Variants in PCDHGB1 observed in about 807,000 individuals in gnomAD.
PCDHGB1 encodes protocadherin gamma subfamily B, 1.
A neutral mutation model predicts 56.6 loss-of-function variants in PCDHGB1; 34 were observed. The ratio of observed to expected loss-of-function variants is 0.60; its 90% CI spans 0.46 to 0.80. The LOEUF is 0.80. Ranked by LOEUF, PCDHGB1 falls within the 30% of genes least tolerant of loss-of-function variation. PCDHGB1 has a pLI of 0.00. For missense variants in PCDHGB1, 1,278 were observed against 1,204.6 expected (o/e 1.06, Z -0.90); for synonymous variants, 561 against 505.9 (o/e 1.11, Z -1.46).
At chr5:141,389,288 T>C (rs1434265418) in intron 1 of PCDHGB1, 1 of 1,613,906 alleles carries the variant, frequency 6.2e-7, no homozygotes, top group Admixed American at 1.7e-5. Flanking sequence ...CTGGAGCCTC[T>C]ATTTCACAAG....
intron 1 of PCDHGB1, chr5:141,376,537 G>A (rs753618601): frequency 1.2e-6 from 2 of 1,613,388 alleles, no homozygotes; most frequent in African/African-American, 1.3e-5. Context: ...AGCGGGAAGA[G>A]TAATCTGATC....
intron 1 of PCDHGB1, among the ~76,000 whole-genome samples, chr5:141,453,121 G>A (rs62379169): frequency 4.7e-4 from 71 of 151,818 alleles, no homozygotes; most frequent in Non-Finnish European, 8.4e-4. Flanking sequence ...GTTTTGTTTT[G>A]TTTTGTTTTT....
rs142590218 is a variant in PCDHGB1, at chr5:141,489,982, C to T, written c.2410-4825C>T. On this transcript the variant is annotated intron_variant, in intron 1 of 3. Coordinates refer to ENST00000523390, the MANE Select transcript of PCDHGB1 (RefSeq NM_018922.3). This position sits in a 1 kb window ranked among gnomAD's most constrained non-coding sequence, Gnocchi z 4.5. ...TCCAACCTTCCAATCCTCAGTTCTA[C>T]GTGTGGGAATCCCAGAGAATGCACC... The T allele has an allele frequency of 2.9e-5, 47 of 1,614,010 alleles. No individual in the cohort carries two copies. The highest frequency in any genetic ancestry group is 3.7e-5 in the Non-Finnish European group (44 of 1,179,964).
In PCDHGB1 at chr5:141,459,352, C is replaced by T. The variant is rs111826527; in HGVS notation, c.2410-35455C>T. On this transcript the variant is annotated intron_variant, in intron 1 of 3. Coordinates refer to ENST00000523390, the MANE Select transcript of PCDHGB1 (RefSeq NM_018922.3). Reference sequence around the variant, plus strand: ...TACTCCAAAGTTCTTGAAATTCATTCATGTTCCTGTGTGTATCAGCAGCGT... The same window carrying T: ...TACTCCAAAGTTCTTGAAATTCATTTATGTTCCTGTGTGTATCAGCAGCGT... 1.4e-4 allele frequency among the ~76,000 whole-genome samples: 21 copies of T among 152,304 alleles called. No homozygotes were observed. The East Asian group carries it at 3.7e-3, about 27-fold the overall frequency.
At chr5:141,415,165 C>T (rs1410806560) in intron 1 of PCDHGB1, 10 of 1,613,746 alleles carry the variant, frequency 6.2e-6, no homozygotes, top group Non-Finnish European at 8.5e-6. Context: ...CACTGTCACG[C>T]TCACCGTGGC....
chr5:141,477,845 G>A lies in PCDHGB1; in HGVS notation c.2410-16962G>A, dbSNP rs1164464559. On this transcript the variant is annotated intron_variant, in intron 1 of 3. Transcript: ENST00000523390. This position sits in a 1 kb window ranked among gnomAD's most constrained non-coding sequence, Gnocchi z 4.9. ...ATATCCTCGGCCAGGTGGGAGCTCGGTGGAGATGCTGCCTCGAGGTACCTC... is the reference window on the plus strand; with the variant it reads ...ATATCCTCGGCCAGGTGGGAGCTCGATGGAGATGCTGCCTCGAGGTACCTC... 11 of 1,614,040 alleles carry A rather than the reference G, an allele frequency of 6.8e-6. No individual in the cohort carries two copies. The highest frequency in any genetic ancestry group is 9.3e-6 in the Non-Finnish European group (11 of 1,180,036).
chr5:141,431,288 C>T lies in PCDHGB1; in HGVS notation c.2410-63519C>T, dbSNP rs2097358193. ...GAGCTACGAGCTCAGCCCGAACACT[C>T]ACTTCTCCCTCATCGTGCAAAATGG... On this transcript the variant is annotated intron_variant, in intron 1 of 3. Transcript: ENST00000523390. This position sits in a 1 kb window ranked among gnomAD's most constrained non-coding sequence, Gnocchi z 4.8. 1 of 1,614,152 alleles carries T rather than the reference C, an allele frequency of 6.2e-7. No individual in the cohort carries two copies. Among genetic ancestry groups the T allele is most frequent in the East Asian group, 2.2e-5 (1 of 44,890 alleles).
At position 141,512,903 on chromosome 5, in the gene PCDHGB1, CAA is replaced by C. The variant is rs2099884494; in HGVS notation, c.*1731_*1732del. The C allele has an allele frequency of 6.6e-6, 1 of 152,224 alleles. No individual in the cohort carries two copies. Among genetic ancestry groups the C allele is most frequent in the African/African-American group, 2.4e-5 (1 of 41,452 alleles). 9.4% of individuals were successfully genotyped at this position (152,224 alleles called of 1,614,324 possible). On this transcript the variant is annotated 3_prime_UTR_variant, in exon 4 of 4. Transcript: ENST00000523390. ...CCCCACCCTCTTCCTGTGTCTCACG[CAA>C]GTTTTATACTCTAATATTTATATGG...
At position 141,388,041 on chromosome 5, in the gene PCDHGB1, G is replaced by C. The variant is rs2091214564; in HGVS notation, c.2409+35372G>C. The C allele has an allele frequency of 2.1e-6, 3 of 1,416,086 alleles. No homozygotes were observed. The African/African-American group carries it at 4.3e-5, about 20-fold the overall frequency. The allele number at this position is 1,416,086 out of a possible 1,614,324, so 87.7% of individuals were successfully genotyped here. ...CTCCGTAGTGGGGAACCTCGCCACG[G>C]ACCTGGGGTTCAGCGTCCAGGAGTT... On this transcript the variant is annotated intron_variant, in intron 1 of 3. Transcript: ENST00000523390.
intron 1 of PCDHGB1, among the ~76,000 whole-genome samples, chr5:141,453,217 G>A (rs770914741): frequency 1.2e-4 from 19 of 152,100 alleles, no homozygotes; most frequent in Admixed American, 1.0e-3. Context: ...GCACTTAAGC[G>A]ATCCTCCCAC....
intron 1 of PCDHGB1, among the ~76,000 whole-genome samples, chr5:141,400,876 T>G (rs1304937244): frequency 6.6e-6 from 1 of 152,230 alleles, no homozygotes; most frequent in East Asian, 1.9e-4. Flanking sequence ...ACCATTAAAT[T>G]TAATGTATGT....
chr5:141,374,126 C>T, intron 1 of PCDHGB1: 1 of 1,602,982 alleles, frequency 6.2e-7, no homozygotes, highest in Middle Eastern at 1.7e-4. Flanking sequence ...CGAGCAGGTC[C>T]TGCTCCTCAC....
intron 1 of PCDHGB1, among the ~76,000 whole-genome samples, chr5:141,467,882 C>T (rs1278937609): frequency 6.6e-6 from 1 of 152,036 alleles, no homozygotes; most frequent in East Asian, 1.9e-4. Context: ...TGGTCTCAAA[C>T]TCCTGAGCTC....
intron 1 of PCDHGB1, chr5:141,391,383 G>T (rs1344096934): frequency 3.3e-5 from 5 of 150,356 alleles, no homozygotes; most frequent in African/African-American, 9.8e-5. Context: ...CACAATGATA[G>T]CTCCCTCCAG....
At chr5:141,505,993 T>TGCGA (rs2099849805) in intron 3 of PCDHGB1, among the ~76,000 whole-genome samples, 1 of 152,188 alleles carries the variant, frequency 6.6e-6, no homozygotes, top group African/African-American at 2.4e-5. Context: ...CTCCTCTTTA[T>TGCGA]GCGAGGCTCC....
At chr5:141,480,046 A>G (rs919527311) in intron 1 of PCDHGB1, among the ~76,000 whole-genome samples, 1 of 152,206 alleles carries the variant, frequency 6.6e-6, no homozygotes, top group Non-Finnish European at 1.5e-5. Context: ...ATATGCAAAA[A>G]GGGAATAATA....
intron 1 of PCDHGB1, chr5:141,389,160 G>T (rs759399243): frequency 1.2e-6 from 2 of 1,613,996 alleles, no homozygotes; most frequent in Admixed American, 3.3e-5. Flanking sequence ...AACAGATCGG[G>T]GCAAGCCTCC....
At chr5:141,368,486 A>G (rs1329429156) in intron 1 of PCDHGB1, among the ~76,000 whole-genome samples, 1 of 152,214 alleles carries the variant, frequency 6.6e-6, no homozygotes, top group African/African-American at 2.4e-5. Context: ...TAACAAGAGA[A>G]TCTATACAGT....
chr5:141,388,336 G>C, intron 1 of PCDHGB1: 2 of 1,613,966 alleles, frequency 1.2e-6, no homozygotes, highest in South Asian at 1.1e-5. Context: ...CCTGGCACAC[G>C]ATTTATATTA....
Sources: allele counts gnomAD v4.1 joint callset (sites outside exome capture counted in the v4.1 genomes callset), GRCh38; gene constraint gnomAD v4.1.1; non-coding constraint Gnocchi (gnomAD v3.1); transcripts MANE v1.5; gene names NCBI Gene and HGNC (gene_info 2026-07-23, HGNC 2026-07-21).